TOX: variants seen among roughly 807,000 people sequenced by gnomAD.
The protein encoded by TOX is thymocyte selection associated high mobility group box.
In TOX, 11 loss-of-function variants were observed where a neutral mutation model predicts 53.7. That is an observed-to-expected ratio of 0.20 (90% confidence interval 0.13 to 0.34). The LOEUF (loss-of-function observed/expected upper bound fraction) is 0.34, where lower values mean the gene tolerates loss of function less well. TOX is among the 10% of genes least tolerant of loss of function. The probability of loss-of-function intolerance (pLI) is 1.00; values close to 1 mark genes in which losing one functional copy is unlikely to be tolerated. For missense variants in TOX, 570 were observed against 664.6 expected (o/e 0.86, Z 1.56); for synonymous variants, 225 against 245.3 (o/e 0.92, Z 0.77).
chr8:58,915,460 A>T (rs976050816), intron 3 of TOX, among the ~76,000 whole-genome samples: 9 of 109,948 alleles, frequency 8.2e-5, no homozygotes, highest in African/African-American at 2.9e-4. Context: ...CTCACACGGC[A>T]GGGTATTCCA....
At chr8:59,091,508 TATAG>T (rs201140787) in intron 1 of TOX, among the ~76,000 whole-genome samples, 3 of 152,022 alleles carry the variant, frequency 2.0e-5, no homozygotes, top group African/African-American at 7.3e-5. Flanking sequence ...TCTTGGACAA[TATAG>T]ACAGACAGAT....
intron 2 of TOX, among the ~76,000 whole-genome samples, chr8:58,955,632 G>C (rs1812697242): frequency 1.3e-5 from 2 of 151,976 alleles, no homozygotes; most frequent in African/African-American, 4.8e-5. Context: ...TTTTCATACA[G>C]TACTTCAACT....
chr8:58,946,431 T>A (rs766943184), intron 2 of TOX, among the ~76,000 whole-genome samples: 2 of 152,176 alleles, frequency 1.3e-5, no homozygotes, highest in Non-Finnish European at 2.9e-5. Context: ...TGTCTCTGCA[T>A]GAACAAGGGT....
At chr8:59,031,628 T>A (rs1161387426) in intron 1 of TOX, among the ~76,000 whole-genome samples, 3 of 152,106 alleles carry the variant, frequency 2.0e-5, no homozygotes, top group African/African-American at 7.2e-5. Flanking sequence ...ATGTAAGGAT[T>A]GAGATTGAAT....
intron 1 of TOX, among the ~76,000 whole-genome samples, chr8:59,092,286 ATATACATTATATATAT>A (rs1804628695): frequency 9.6e-6 from 1 of 103,686 alleles, no homozygotes; most frequent in Admixed American, 1.0e-4. Flanking sequence ...TATATATTAT[ATATACATTATATATAT>A]TATATATTAT....
In TOX at chr8:59,052,306, T is replaced by C. The variant is rs544074951; in HGVS notation, c.102+66580A>G. Among the ~76,000 whole-genome samples, 5 of 152,294 alleles carry C rather than the reference T, an allele frequency of 3.3e-5. No individual in the cohort carries two copies. The South Asian group carries it at 1.0e-3, about 32-fold the overall frequency. ...TTGACTTCCAATTTACTAAAGTCAT[T>C]TTTCAATCAATACTTAGTGCATTTG... is the stretch of plus-strand genomic sequence containing the variant. On this transcript the variant is annotated intron_variant, in intron 1 of 8. Coordinates refer to ENST00000361421, the MANE Select transcript of TOX (RefSeq NM_014729.3).
intron 1 of TOX, among the ~76,000 whole-genome samples, chr8:59,026,819 A>G (rs566868338): frequency 6.6e-6 from 1 of 152,134 alleles, no homozygotes; most frequent in South Asian, 2.1e-4. Context: ...GGAGCACCAA[A>G]TATTTGAATG....
chr8:58,941,672 T>C (rs528842934), intron 2 of TOX, among the ~76,000 whole-genome samples: 2 of 152,332 alleles, frequency 1.3e-5, no homozygotes, highest in African/African-American at 4.8e-5. Context: ...TGAAATTATA[T>C]GAACATAGAT....
intron 1 of TOX, among the ~76,000 whole-genome samples, chr8:59,048,904 C>A (rs965700422): frequency 1.3e-5 from 2 of 151,716 alleles, no homozygotes; most frequent in African/African-American, 4.8e-5. Context: ...TATGTATAAG[C>A]ATAAGAGATA....
At chr8:59,059,414 CT>C (rs1803940058) in intron 1 of TOX, among the ~76,000 whole-genome samples, 1 of 151,960 alleles carries the variant, frequency 6.6e-6, no homozygotes, top group African/African-American at 2.4e-5. Context: ...ATATTTTACT[CT>C]TTAAATTTTT....
At chr8:59,022,254 G>A (rs918467299) in intron 1 of TOX, among the ~76,000 whole-genome samples, 2 of 152,110 alleles carry the variant, frequency 1.3e-5, no homozygotes, top group African/African-American at 4.8e-5. Flanking sequence ...TCATTGGCAT[G>A]TTCCCAGTCT....
At chr8:59,071,694 A>T (rs896636641) in intron 1 of TOX, among the ~76,000 whole-genome samples, 1 of 152,142 alleles carries the variant, frequency 6.6e-6, no homozygotes, top group African/African-American at 2.4e-5. Flanking sequence ...TTACCTATGA[A>T]CTTTATCCAG....
intron 3 of TOX, among the ~76,000 whole-genome samples, chr8:58,910,314 C>T (rs1811887931): frequency 6.6e-6 from 1 of 151,880 alleles, no homozygotes; most frequent in Non-Finnish European, 1.5e-5. Flanking sequence ...TTTTTTTAAA[C>T]CAATGAATCT....
intron 3 of TOX, among the ~76,000 whole-genome samples, chr8:58,906,508 G>A (rs1468404255): frequency 2.0e-5 from 3 of 152,180 alleles, no homozygotes; most frequent in South Asian, 2.1e-4. Flanking sequence ...ATGAAAAGAC[G>A]CCTTGCTGAT....
intron 2 of TOX, among the ~76,000 whole-genome samples, chr8:58,948,778 T>C (rs1812568277): frequency 6.6e-6 from 1 of 152,312 alleles, no homozygotes; most frequent in South Asian, 2.1e-4. Context: ...TCCAGTTCTA[T>C]ATTTTTTGGC....
rs554452333 is a variant in TOX at position 59,022,654 on chromosome 8, C to T, written c.103-62646G>A. Reference sequence around the variant, plus strand: ...CTTAAATTATTTCTGCTTCTTAAAACGTAGCAACTGGTAAACTCATAGTGA... The same window carrying T: ...CTTAAATTATTTCTGCTTCTTAAAATGTAGCAACTGGTAAACTCATAGTGA... On this transcript the variant is annotated intron_variant, in intron 1 of 8. Coordinates refer to ENST00000361421, the MANE Select transcript of TOX (RefSeq NM_014729.3). 1.2e-4 allele frequency among the ~76,000 whole-genome samples: 18 copies of T among 152,154 alleles called. No individual in the cohort carries two copies. The East Asian group carries it at 2.9e-3, about 24-fold the overall frequency.
intron 1 of TOX, among the ~76,000 whole-genome samples, chr8:59,033,873 C>T (rs1814402837): frequency 6.6e-6 from 1 of 152,160 alleles, no homozygotes; most frequent in African/African-American, 2.4e-5. Context: ...CTCCTGTGAC[C>T]TTAGCAGATA....
intron 3 of TOX, among the ~76,000 whole-genome samples, chr8:58,930,886 C>T (rs1812244083): frequency 2.0e-5 from 3 of 152,142 alleles, no homozygotes; most frequent in African/African-American, 7.2e-5. Flanking sequence ...AAGCTCATGG[C>T]TAGGATCTGG....
chr8:58,814,139 C>CAAT (rs1810131983), intron 7 of TOX, among the ~76,000 whole-genome samples: 1 of 152,006 alleles, frequency 6.6e-6, no homozygotes, highest in Non-Finnish European at 1.5e-5. Context: ...AAAATTCTGT[C>CAAT]AATAATAATA....
Sources: allele counts gnomAD v4.1 joint callset (sites outside exome capture counted in the v4.1 genomes callset), GRCh38; gene constraint gnomAD v4.1.1; transcripts MANE v1.5; gene names NCBI Gene and HGNC (gene_info 2026-07-23, HGNC 2026-07-21).